Variants in RASGRP3 observed in about 807,000 individuals in gnomAD.
The protein encoded by RASGRP3 is RAS guanyl releasing protein 3.
In RASGRP3, 54 loss-of-function variants were observed where a neutral mutation model predicts 82.7. The ratio of observed to expected loss-of-function variants is 0.65; its 90% CI spans 0.52 to 0.82. The LOEUF is 0.82. RASGRP3 is among the 40% of genes least tolerant of loss of function. RASGRP3 has a pLI of 0.00. For synonymous variants in RASGRP3, 309 were observed against 300.5 expected, an observed-to-expected ratio of 1.03 and a Z score of -0.29; for missense variants, 861 against 828.9, an observed-to-expected ratio of 1.04 and a Z score of -0.48.
At chr2:33,526,976 T>C (rs895985060) in intron 9 of RASGRP3, among the ~76,000 whole-genome samples, 161 bp from the exon 10 acceptor site, 2 of 152,234 alleles carry the variant, frequency 1.3e-5, no homozygotes, top group Non-Finnish European at 2.9e-5. Context: ...CTAGTACTTT[T>C]TCTAACTTTC....
intron 12 of RASGRP3, chr2:33,539,436 C>G (rs62149023): frequency 0.38 from 152,213 of 401,528 alleles, 31,369 homozygotes; most frequent in Middle Eastern, 0.46. Flanking sequence ...CTCTCAGCTA[C>G]TTCCAGCTCC....
intron 1 of RASGRP3, among the ~76,000 whole-genome samples, chr2:33,490,261 C>G (rs1331012509): frequency 6.6e-6 from 1 of 152,226 alleles, no homozygotes; most frequent in African/African-American, 2.4e-5. Context: ...TTGCTTGCCA[C>G]AACCTCTGCC....
At chr2:33,454,890 G>A (rs1665961093) in intron 2 of RASGRP3, among the ~76,000 whole-genome samples, 1 of 152,184 alleles carries the variant, frequency 6.6e-6, no homozygotes, top group Non-Finnish European at 1.5e-5. Flanking sequence ...TTGGGGAAGG[G>A]AGTCATTTGA....
rs754373181 is a variant in RASGRP3 at position 33,516,605 on chromosome 2, A to G, written c.134A>G (p.Tyr45Cys). The change falls in exon 4 of 18, where the codon TAT becomes TGT. Residue 45 changes from tyrosine to cysteine, a missense_variant. Tyr to Cys is a radical substitution (Grantham distance 194, BLOSUM62 -2). Transcript: ENST00000403687. ...ATAGTTCTACTGATGCACCGATGGT[A>G]TTTATCTTCCACTGAATTGGCAGAA... is the stretch of plus-strand genomic sequence containing the variant. ...PRIVLLMHRW[Y>C]LSSTELAEKL... 1.3e-6 allele frequency: 2 copies of G among 1,592,270 alleles called. No homozygotes were observed. The highest frequency in any genetic ancestry group is 1.7e-6 in the Non-Finnish European group (2 of 1,164,786).
Position 33,520,568 on chromosome 2 carries a change from G to A in RASGRP3, c.252G>A (p.Lys84=). ...TGCCTTTCAGGTACTGGATTCTGAA[G>A]TTTCCTGCAGAGTTTAATTTGGATC... ...ICYFMRYWIL[K]FPAEFNLDLG... Residue 84 remains lysine (K), a synonymous_variant, in exon 6 of 18, where the codon AAG becomes AAA. Transcript: ENST00000403687. 2.5e-6 allele frequency: 4 copies of A among 1,613,948 alleles called. No homozygotes were observed. Among genetic ancestry groups the A allele is most frequent in the Non-Finnish European group, 3.4e-6 (4 of 1,179,848 alleles).
chr2:33,560,796 T>C (rs747803395), intron 17 of RASGRP3, among the ~76,000 whole-genome samples: 1 of 152,250 alleles, frequency 6.6e-6, no homozygotes, highest in Non-Finnish European at 1.5e-5. Flanking sequence ...AACCTGCTTT[T>C]GTTTAACAAA....
At chr2:33,494,368 C>T (rs527688746) in intron 1 of RASGRP3, among the ~76,000 whole-genome samples, 1 of 152,250 alleles carries the variant, frequency 6.6e-6, no homozygotes, top group East Asian at 1.9e-4. Context: ...TTCTGGTTTT[C>T]CTTTTTAGAG....
At chr2:33,436,609 ATCTG>A (rs1224891604) in intron 1 of RASGRP3, 8 of 152,214 alleles carry the variant, frequency 5.3e-5, no homozygotes. Flanking sequence ...TCATTTAAAA[ATCTG>A]TCTGTTGTTG....
Position 33,514,400 on chromosome 2 carries a change from G to A in RASGRP3, c.-127-610G>A, listed in dbSNP as rs59844621. On this transcript the variant is annotated intron_variant, in intron 2 of 17. Transcript: ENST00000403687. ...ATGAGGAAAGGTGGCCGGGCACAGTGGCTCACACCTGTAGTCCTAGCACTT... is the reference window on the plus strand; with the variant it reads ...ATGAGGAAAGGTGGCCGGGCACAGTAGCTCACACCTGTAGTCCTAGCACTT... 1.1e-3 allele frequency among the ~76,000 whole-genome samples: 170 copies of A among 149,494 alleles called. 2 individuals are homozygous for A. Among genetic ancestry groups the A allele is most frequent in the African/African-American group, 3.9e-3 (159 of 40,572 alleles).
intron 1 of RASGRP3, among the ~76,000 whole-genome samples, chr2:33,484,338 T>C (rs1329191905): frequency 6.6e-6 from 1 of 152,230 alleles, no homozygotes; most frequent in East Asian, 1.9e-4. Context: ...TACTCAAGAA[T>C]TTTAAACAGT....
intron 2 of RASGRP3, among the ~76,000 whole-genome samples, chr2:33,514,346 T>A (rs1332075156): frequency 6.6e-6 from 1 of 151,906 alleles, no homozygotes; most frequent in Non-Finnish European, 1.5e-5. Context: ...ACATTTATAA[T>A]ATTCTTGAAT....
intron 1 of RASGRP3, among the ~76,000 whole-genome samples, chr2:33,495,548 G>A (rs1349825614): frequency 6.6e-6 from 1 of 151,988 alleles, no homozygotes; most frequent in Non-Finnish European, 1.5e-5. Context: ...CTGGTTTACA[G>A]GACCAGGAAG....
At chr2:33,514,505 C>CAAAAAAAAAA (rs3083005) in intron 2 of RASGRP3, among the ~76,000 whole-genome samples, 1 of 60,660 alleles carries the variant, frequency 1.6e-5, no homozygotes, top group Non-Finnish European at 2.7e-5. Context: ...CCCATCTCTA[C>CAAAAAAAAAA]AAAAAAAAAA....
At chr2:33,531,843 G>A (rs1673133038) in intron 10 of RASGRP3, 2 of 152,252 alleles carry the variant, frequency 1.3e-5, no homozygotes, top group South Asian at 4.1e-4. Flanking sequence ...GTTGGCTGTG[G>A]TAGTGCTTCT....
At chr2:33,528,194 A>G (rs1422824344) in intron 10 of RASGRP3, among the ~76,000 whole-genome samples, 1 of 152,062 alleles carries the variant, frequency 6.6e-6, no homozygotes, top group Non-Finnish European at 1.5e-5. Flanking sequence ...TTCGATTTTT[A>G]TCTGTTTATC....
chr2:33,446,598 G>A (rs928882503), intron 1 of RASGRP3, among the ~76,000 whole-genome samples: 1 of 152,034 alleles, frequency 6.6e-6, no homozygotes, highest in Admixed American at 6.6e-5. Flanking sequence ...TAAATATGCA[G>A]GCACATGAGA....
At chr2:33,489,884 C>T (rs1271261078) in intron 1 of RASGRP3, among the ~76,000 whole-genome samples, 1 of 152,210 alleles carries the variant, frequency 6.6e-6, no homozygotes, top group Non-Finnish European at 1.5e-5. Flanking sequence ...GGTCATAAGT[C>T]ATGGGACAGT....
intron 11 of RASGRP3, among the ~76,000 whole-genome samples, chr2:33,537,320 A>ACCCACCC (rs1266542679): frequency 3.0e-5 from 1 of 33,324 alleles, no homozygotes; most frequent in Non-Finnish European, 5.6e-5. Flanking sequence ...ACACACACAC[A>ACCCACCC]CCGCCCCCCC....
In RASGRP3 at chr2:33,516,574, C is replaced by T. The variant is rs1192293060; in HGVS notation, c.103C>T (p.Pro35Ser). Residue 35 changes from proline to serine, a missense_variant, in exon 4 of 18, where the codon CCA becomes TCA. Physicochemically the swap from Pro to Ser is moderately conservative, Grantham distance 74. Coordinates refer to ENST00000403687, the MANE Select transcript of RASGRP3 (RefSeq NM_001139488.2). ...DNGELDNSYL[P>S]RIVLLMHRWY... ...TGGAGAGCTGGATAATAGTTATTTG[C>T]CAAGAATAGTTCTACTGATGCACCG... 1 of 1,591,584 alleles carries T rather than the reference C, an allele frequency of 6.3e-7. No individual in the cohort carries two copies. The highest frequency in any genetic ancestry group is 2.2e-5 in the East Asian group (1 of 44,594).
Sources: allele counts gnomAD v4.1 joint callset (sites outside exome capture counted in the v4.1 genomes callset), GRCh38; gene constraint gnomAD v4.1.1; transcripts MANE v1.5; gene names NCBI Gene and HGNC (gene_info 2026-07-23, HGNC 2026-07-21).